SUPT20H: variants seen among roughly 807,000 people sequenced by gnomAD.
The protein encoded by SUPT20H is SPT20 homolog, SAGA complex component, also known as transcription factor SPT20 homolog.
A neutral mutation model predicts 122.8 loss-of-function variants in SUPT20H; 82 were observed. That is an observed-to-expected ratio of 0.67 (90% CI 0.56 to 0.80). The LOEUF (loss-of-function observed/expected upper bound fraction) is 0.80. SUPT20H is among the 30% of genes least tolerant of loss of function. SUPT20H has a pLI of 0.00. For missense variants in SUPT20H, 831 were observed against 921.6 expected (o/e 0.90, Z 1.27); for synonymous variants, 291 against 313.0 (o/e 0.93, Z 0.74).
chr13:37,044,695 T>C (rs562328537), intron 6 of SUPT20H, among the ~76,000 whole-genome samples: 2 of 152,316 alleles, frequency 1.3e-5, no homozygotes, highest in South Asian at 4.1e-4. Flanking sequence ...AACTGAAGTG[T>C]TTCTATTTTT....
At chr13:37,045,399 T>C in intron 5 of SUPT20H, 26 bp from the exon 6 acceptor site, 1 of 1,611,716 alleles carries the variant, frequency 6.2e-7, no homozygotes, top group Non-Finnish European at 8.5e-7. Flanking sequence ...GCAGAGCTCA[T>C]GAAAATAATC....
intron 9 of SUPT20H, 47 bp downstream of exon 9, chr13:37,040,358 T>C (rs749864296): frequency 6.8e-7 from 1 of 1,476,644 alleles, no homozygotes; most frequent in South Asian, 1.3e-5. Context: ...TAATTTTTTT[T>C]CATCCTATAT....
At position 37,041,250 on chromosome 13, in the gene SUPT20H, T is replaced by TA. The variant is rs1447094811; in HGVS notation, c.397-559dup. ...AAATAGTTTTTCAGGCTGGGTGCAG[T>TA]AGCTCATGCCTGTAATCCCAGCTTT... On this transcript the variant is annotated intron_variant, in intron 7 of 25. Transcript: ENST00000350612. 2.6e-5 allele frequency among the ~76,000 whole-genome samples: 4 copies of TA among 152,220 alleles called. No homozygotes were observed. In the East Asian group the frequency reaches 7.7e-4, roughly 29 times the overall value.
intron 9 of SUPT20H, among the ~76,000 whole-genome samples, chr13:37,037,283 G>C (rs1228608761): frequency 6.6e-6 from 1 of 152,062 alleles, no homozygotes; most frequent in East Asian, 1.9e-4. Context: ...GTTATACATG[G>C]GTTTTTGACT....
At chr13:37,015,676 G>A (rs2060343958) in intron 23 of SUPT20H, among the ~76,000 whole-genome samples, 1 of 152,042 alleles carries the variant, frequency 6.6e-6, no homozygotes, top group Admixed American at 6.5e-5. Flanking sequence ...TCCAACTTCT[G>A]GGTATATATC....
intron 13 of SUPT20H, 131 bp from the exon 14 acceptor site, chr13:37,028,436 A>G: frequency 3.6e-6 from 3 of 835,268 alleles, no homozygotes; most frequent in South Asian, 1.9e-5. Flanking sequence ...CTTAGGCTAC[A>G]AAGATATTTA....
At chr13:37,050,861 C>A (rs577488003) in intron 2 of SUPT20H, among the ~76,000 whole-genome samples, 1 of 152,230 alleles carries the variant, frequency 6.6e-6, no homozygotes, top group African/African-American at 2.4e-5. Flanking sequence ...AAGTTTGTGA[C>A]GCAGAATAGG....
chr13:37,022,145 A>T lies in SUPT20H; in HGVS notation c.1592-65T>A. 1 of 1,614,080 alleles carries T rather than the reference A, an allele frequency of 6.2e-7. No individual in the cohort carries two copies. Among genetic ancestry groups the T allele is most frequent in the Non-Finnish European group, 8.5e-7 (1 of 1,179,994 alleles). ...TTGTTACAGGCATTGCCTGGCTCAGAGACCTTTGCTGCTGAGCAAACTGAG... is the reference window on the plus strand; with the variant it reads ...TTGTTACAGGCATTGCCTGGCTCAGTGACCTTTGCTGCTGAGCAAACTGAG... On this transcript the variant is annotated intron_variant, in intron 19 of 25. Coordinates refer to ENST00000350612, the MANE Select transcript of SUPT20H (RefSeq NM_001014286.3). The surrounding 1 kb of genome is among the most constrained non-coding windows in gnomAD (Gnocchi z 4.5).
At chr13:37,042,302 T>G (rs1204296525) in intron 7 of SUPT20H, among the ~76,000 whole-genome samples, 1 of 152,166 alleles carries the variant, frequency 6.6e-6, no homozygotes, top group African/African-American at 2.4e-5. Flanking sequence ...AGGAACCTAT[T>G]ATATATCCAA....
At chr13:37,048,649 A>C in intron 2 of SUPT20H, 50 bp from the exon 3 acceptor site, 1 of 1,496,354 alleles carries the variant, frequency 6.7e-7, no homozygotes, top group Non-Finnish European at 9.1e-7. Flanking sequence ...TTCCACAAAA[A>C]AATTTAATAT....
chr13:37,024,418 A>G lies in SUPT20H; in HGVS notation c.1354T>C (p.Ser452Pro). 1 of 1,574,968 alleles carries G rather than the reference A, an allele frequency of 6.3e-7. No individual in the cohort carries two copies. Residue 452 changes from serine to proline, a missense_variant, in exon 18 of 26, where the codon TCT (serine) becomes CCT (proline). Ser to Pro is a moderately conservative substitution (Grantham distance 74). Coordinates refer to ENST00000350612, the MANE Select transcript of SUPT20H (RefSeq NM_001014286.3). ...TTTACACCCTTCCCCAATACCGAAG[A>G]CTGAACTGACACGGTTTCAGTTTGC... ...TDQTETVSVQ[S>P]SVLGKGVKHR...
intron 23 of SUPT20H, among the ~76,000 whole-genome samples, chr13:37,015,530 A>C (rs1244229221): frequency 6.6e-6 from 1 of 152,140 alleles, no homozygotes; most frequent in African/African-American, 2.4e-5. Context: ...ACCAGAAAAT[A>C]ACAAGAGTTG....
intron 9 of SUPT20H, chr13:37,038,690 A>C (rs2064944285): frequency 6.6e-6 from 1 of 152,264 alleles, no homozygotes; most frequent in Non-Finnish European, 1.5e-5. Context: ...CTCATATACA[A>C]GGGGTCTTTA....
Position 37,021,601 on chromosome 13 carries a change from C to T in SUPT20H, c.1663G>A (p.Gly555Arg). The stretch of plus-strand genomic sequence containing the variant: ...GAACCACTCATCAAAGCCTGGGCCC[C>T]ACTGCAGGAGAATAAGACAAAGCAT... ...NFINVVGSVC[G>R]AQALMSGSNP... is the part of the protein sequence containing the mutation. The change falls in exon 21 of 26, where the codon GGG becomes AGG. Residue 555 changes from glycine to arginine, a missense_variant and splice_region_variant. By Grantham distance (125) the Gly-to-Arg change is moderately radical. Transcript: ENST00000350612. 6.2e-7 allele frequency: 1 copy of T among 1,611,426 alleles called. No homozygotes were observed. The highest frequency in any genetic ancestry group is 1.1e-5 in the South Asian group (1 of 90,696).
At chr13:37,012,477 T>C in intron 23 of SUPT20H, 180 bp from the exon 24 acceptor site, 1 of 465,156 alleles carries the variant, frequency 2.1e-6, no homozygotes, top group South Asian at 3.7e-5. Context: ...TTATGGTATT[T>C]GAACAAAGAA....
chr13:37,054,467 C>T (rs911537855), intron 1 of SUPT20H, among the ~76,000 whole-genome samples: 13 of 152,122 alleles, frequency 8.5e-5, no homozygotes, highest in East Asian at 5.8e-4. Flanking sequence ...GTTCAACATA[C>T]GCAAATCAAT....
intron 20 of SUPT20H, 58 bp downstream of exon 20, chr13:37,021,953 T>G: frequency 6.7e-7 from 1 of 1,499,784 alleles, no homozygotes; most frequent in East Asian, 2.3e-5. Context: ...TAAGAATTTA[T>G]TTAGATTGGT....
intron 1 of SUPT20H, among the ~76,000 whole-genome samples, chr13:37,054,471 A>T (rs1004861423): frequency 3.3e-5 from 5 of 152,240 alleles, no homozygotes; most frequent in African/African-American, 1.2e-4. Context: ...AACATACGCA[A>T]ATCAATAAAC....
rs754473122 is a variant in SUPT20H at position 37,024,023 on chromosome 13, G to A, written c.1591+12C>T. On this transcript the variant is annotated intron_variant, in intron 19 of 25. Transcript: ENST00000350612. ...TATGAAGATTTAATGAAGAATTTAA[G>A]TTATGACTCACTTTGTGATGAGCTG... 1 of 1,594,310 alleles carries A rather than the reference G, an allele frequency of 6.3e-7. No individual in the cohort carries two copies. The highest frequency in any genetic ancestry group is 1.1e-5 in the South Asian group (1 of 87,384).
Sources: gnomAD v4.1 joint callset for allele counts (sites outside exome capture counted in the v4.1 genomes callset) on GRCh38, gnomAD v4.1.1 for gene constraint, Gnocchi (gnomAD v3.1) non-coding constraint, MANE v1.5 for transcripts, NCBI Gene and HGNC (gene_info 2026-07-23, HGNC 2026-07-21) for gene names.